Variants in SGCZ observed in about 807,000 individuals in gnomAD.
The protein encoded by SGCZ is zeta-sarcoglycan.
Under a neutral mutation model 41.3 loss-of-function variants are expected in SGCZ, and 40 were observed. The observed-to-expected ratio is 0.97, with a 90% CI of 0.75 to 1.26. SGCZ has a LOEUF of 1.26. SGCZ is among the 50% of genes most tolerant of loss of function. The pLI, the probability that SGCZ is intolerant of heterozygous loss-of-function variation, is 0.00. For synonymous variants in SGCZ, 206 were observed against 137.5 expected, an observed-to-expected ratio of 1.50 and a Z score of -3.49; for missense variants, 552 against 369.8, an observed-to-expected ratio of 1.49 and a Z score of -4.04.
At chr8:14,091,344 A>G (rs1417843758) in intron 7 of SGCZ, among the ~76,000 whole-genome samples, 1 of 151,982 alleles carries the variant, frequency 6.6e-6, no homozygotes, top group East Asian at 1.9e-4. Context: ...TCCTTTGGGT[A>G]TATACCCACA....
chr8:14,551,502 ATATAT>A (rs1803828687), intron 2 of SGCZ, among the ~76,000 whole-genome samples: 3 of 6,070 alleles, frequency 4.9e-4, no homozygotes, highest in African/African-American at 8.1e-4. Context: ...TATATATTAT[ATATAT>A]TATATATATT....
chr8:14,583,879 T>C (rs2117266455), intron 1 of SGCZ, among the ~76,000 whole-genome samples: 1 of 152,246 alleles, frequency 6.6e-6, no homozygotes, highest in South Asian at 2.1e-4. Context: ...AGGTCTTTCT[T>C]ATCTCAAATA....
At chr8:14,092,293 T>A (rs1801710677) in intron 7 of SGCZ, among the ~76,000 whole-genome samples, 2 of 152,078 alleles carry the variant, frequency 1.3e-5, no homozygotes, top group Admixed American at 1.3e-4. Context: ...ATTGTCTTGG[T>A]TATGTGGGCT....
chr8:14,423,623 AGGTT>A (rs1240810521), intron 2 of SGCZ, among the ~76,000 whole-genome samples: 1 of 152,148 alleles, frequency 6.6e-6, no homozygotes, highest in East Asian at 1.9e-4. Context: ...TCCGTTGATC[AGGTT>A]GGTCGCGAAC....
Position 14,117,408 on chromosome 8 carries a change from C to CTGTGTGTGTG in SGCZ, c.548-9183_548-9174dup, listed in dbSNP as rs57595662. On this transcript the variant is annotated intron_variant, in intron 5 of 7. Transcript: ENST00000382080. ...AATTGTGACACTGAGATGCACACAT[C>CTGTGTGTGTG]TGTGTGTGTGTGTGTGTGTGTGTGT... Among the ~76,000 whole-genome samples the CTGTGTGTGTG allele has an allele frequency of 1.4e-3, 179 of 131,570 alleles. 1 individual carries two copies. Among genetic ancestry groups the CTGTGTGTGTG allele is most frequent in the South Asian group, 3.4e-3 (12 of 3,532 alleles). 86.3% of individuals were successfully genotyped at this position (131,570 alleles called of 152,430 possible). A position where few individuals can be genotyped will look rare whatever the true frequency, so the allele number is the denominator to read the frequency against.
At chr8:15,143,594 A>G (rs1031149772) in intron 1 of SGCZ, among the ~76,000 whole-genome samples, 1 of 152,194 alleles carries the variant, frequency 6.6e-6, no homozygotes, top group Admixed American at 6.5e-5. Flanking sequence ...GGCTTACAAA[A>G]ACACATGGGT....
At chr8:14,839,795 C>T (rs1585308185) in intron 1 of SGCZ, among the ~76,000 whole-genome samples, 1 of 152,194 alleles carries the variant, frequency 6.6e-6, no homozygotes, top group East Asian at 1.9e-4. Context: ...TGGACACAAA[C>T]ATTTAGTTAT....
chr8:14,324,222 T>C lies in SGCZ; in HGVS notation c.235-18A>G, dbSNP rs765966291. ...ATACCATCCTACAAGCAATGAAATA[T>C]AGTTCACTTTTAGGTTAATTGGAGA... On this transcript the variant is annotated intron_variant, in intron 2 of 7. Transcript: ENST00000382080. 34 of 1,574,204 alleles carry C rather than the reference T, an allele frequency of 2.2e-5. No homozygotes were observed. Among genetic ancestry groups the C allele is most frequent in the Admixed American group, 3.4e-5 (2 of 59,664 alleles).
chr8:14,245,311 C>A (rs1431200104), intron 3 of SGCZ, among the ~76,000 whole-genome samples: 1 of 152,136 alleles, frequency 6.6e-6, no homozygotes, highest in Non-Finnish European at 1.5e-5. Flanking sequence ...ACTATCTGAT[C>A]TTTGACAAAC....
intron 1 of SGCZ, among the ~76,000 whole-genome samples, chr8:15,036,593 A>G (rs1396867482): frequency 1.3e-5 from 2 of 152,170 alleles, no homozygotes; most frequent in Non-Finnish European, 2.9e-5. Context: ...AAAATAAAAT[A>G]AAATGTCTCT....
At position 14,102,479 on chromosome 8, in the gene SGCZ, G is replaced by T; in HGVS notation, c.641C>A (p.Ser214Tyr). Residue 214 changes from serine to tyrosine, a missense_variant, in exon 7 of 8, where the codon TCC becomes TAC. Physicochemically the swap from Ser to Tyr is moderately radical, Grantham distance 144. Transcript: ENST00000382080. ...CCCACGGGGAGCTTCCATGATCAAG[G>T]ATCTGGTGGGTGATTCAAGCCTAAG... is the stretch of plus-strand genomic sequence containing the variant. ...QDLRLESPTR[S>Y]LIMEAPRGVQ... is the part of the protein sequence containing the mutation. 1 of 1,469,496 alleles carries T rather than the reference G, an allele frequency of 6.8e-7. No individual in the cohort carries two copies. Among genetic ancestry groups the T allele is most frequent in the Non-Finnish European group, 9.1e-7 (1 of 1,093,572 alleles). The allele number at this position is 1,469,496 out of a possible 1,614,324, so 91.0% of individuals were successfully genotyped here. A position where few individuals can be genotyped will look rare whatever the true frequency, so the allele number is the denominator to read the frequency against.
At chr8:14,611,401 A>G (rs1292943880) in intron 1 of SGCZ, among the ~76,000 whole-genome samples, 3 of 152,146 alleles carry the variant, frequency 2.0e-5, no homozygotes, top group South Asian at 2.1e-4. Context: ...ACTTTTAGAG[A>G]TTATGGCTTT....
At chr8:14,648,696 G>T (rs1362129894) in intron 1 of SGCZ, among the ~76,000 whole-genome samples, 1 of 151,836 alleles carries the variant, frequency 6.6e-6, no homozygotes, top group Non-Finnish European at 1.5e-5. Flanking sequence ...AATTATCAAG[G>T]TGTGCAAGAG....
chr8:14,531,646 A>C (rs1803136350), intron 2 of SGCZ, among the ~76,000 whole-genome samples: 1 of 152,066 alleles, frequency 6.6e-6, no homozygotes, highest in African/African-American at 2.4e-5. Context: ...CATGAAGATA[A>C]TGAAGAGTAA....
chr8:14,567,752 A>T (rs1255523338), intron 1 of SGCZ, among the ~76,000 whole-genome samples: 1 of 151,516 alleles, frequency 6.6e-6, no homozygotes, highest in Non-Finnish European at 1.5e-5. Flanking sequence ...CTGCAGCTTC[A>T]CTCCTGAAAC....
At chr8:14,119,404 T>G (rs544978946) in intron 5 of SGCZ, among the ~76,000 whole-genome samples, 1 of 152,194 alleles carries the variant, frequency 6.6e-6, no homozygotes, top group Non-Finnish European at 1.5e-5. Context: ...TTTTTGCACA[T>G]AGATTTTGTA....
intron 5 of SGCZ, among the ~76,000 whole-genome samples, chr8:14,115,986 C>A (rs1023244512): frequency 2.6e-5 from 4 of 152,066 alleles, no homozygotes; most frequent in African/African-American, 7.2e-5. Flanking sequence ...AAATGGAATG[C>A]ACAGCGCTAG....
At chr8:14,160,679 G>A (rs1804017868) in intron 5 of SGCZ, among the ~76,000 whole-genome samples, 2 of 152,114 alleles carry the variant, frequency 1.3e-5, no homozygotes, top group South Asian at 2.1e-4. Flanking sequence ...TGGTGATGGG[G>A]TATTGATAGA....
At chr8:14,269,720 C>T (rs928419836) in intron 3 of SGCZ, among the ~76,000 whole-genome samples, 3 of 152,078 alleles carry the variant, frequency 2.0e-5, no homozygotes, top group African/African-American at 7.2e-5. Flanking sequence ...GTCAACTTCA[C>T]CATCCCCAGT....
Sources: gnomAD v4.1 joint callset for allele counts (sites outside exome capture counted in the v4.1 genomes callset) on GRCh38, gnomAD v4.1.1 for gene constraint, MANE v1.5 for transcripts, NCBI Gene and HGNC (gene_info 2026-07-23, HGNC 2026-07-21) for gene names.